SORCS2: variants seen among roughly 807,000 people sequenced by gnomAD.
SORCS2 encodes the protein VPS10 domain-containing receptor SorCS2.
SORCS2 carries 100 observed loss-of-function variants against 141.6 expected under a neutral mutation model. The ratio of observed to expected loss-of-function variants is 0.71; its 90% confidence interval spans 0.60 to 0.83. The LOEUF is 0.83. SORCS2 is among the 40% of genes least tolerant of loss of function. SORCS2 has a pLI of 0.00. For missense variants in SORCS2, 1,646 were observed against 1,560.2 expected, an observed-to-expected ratio of 1.05 and a Z score of -0.93; for synonymous variants, 789 against 676.9, an observed-to-expected ratio of 1.17 and a Z score of -2.57.
chr4:7,514,295 C>T (rs73099740), intron 2 of SORCS2, among the ~76,000 whole-genome samples: 62 of 152,246 alleles, frequency 4.1e-4, no homozygotes, highest in African/African-American at 1.5e-3. Context: ...GGGCCTGGCT[C>T]ACACCTAATA....
In SORCS2 at chr4:7,715,207, C is replaced by G; in HGVS notation, c.2148C>G (p.Ser716=). ...FLCDYGFERS[S]SSESSTNKCS... The stretch of plus-strand genomic sequence containing the variant: ...GCGACTACGGATTTGAGCGCTCCTC[C>G]TCCTCAGAGTCCAGCACCAACAAGT... Residue 716 remains serine (S), a synonymous_variant, in exon 17 of 27, where the codon TCC becomes TCG. Coordinates refer to ENST00000507866, the MANE Select transcript of SORCS2 (RefSeq NM_020777.3). 1.9e-6 allele frequency: 3 copies of G among 1,613,938 alleles called. No homozygotes were observed. The highest frequency in any genetic ancestry group is 1.7e-6 in the Non-Finnish European group (2 of 1,179,786).
chr4:7,651,396 G>A (rs186643487), intron 4 of SORCS2, among the ~76,000 whole-genome samples: 195 of 152,278 alleles, frequency 1.3e-3, no homozygotes, highest in African/African-American at 4.4e-3. Flanking sequence ...CAGGCTTCCT[G>A]GCATTGCTGT....
chr4:7,294,814 T>C (rs1184790555), intron 1 of SORCS2, among the ~76,000 whole-genome samples: 1 of 7,360 alleles, frequency 1.4e-4, no homozygotes, highest in Admixed American at 1.2e-3. Flanking sequence ...CTCCCTCCTC[T>C]CCCTCCTCCC....
intron 3 of SORCS2, among the ~76,000 whole-genome samples, chr4:7,620,041 CTCCTCCTCCTTCCTCT>C (rs1383694842): frequency 3.6e-4 from 6 of 16,468 alleles, no homozygotes; most frequent in African/African-American, 6.7e-4. Context: ...CTCCTTCCTC[CTCCTCCTCCTTCCTCT>C]TCCTCCTCTT....
intron 3 of SORCS2, among the ~76,000 whole-genome samples, chr4:7,592,032 G>A (rs1290468213): frequency 6.6e-6 from 1 of 152,166 alleles, no homozygotes. Flanking sequence ...AGAGCAGCTA[G>A]GAAAGCGCCG....
At chr4:7,511,976 G>A (rs953786348) in intron 2 of SORCS2, among the ~76,000 whole-genome samples, 3 of 152,212 alleles carry the variant, frequency 2.0e-5, no homozygotes, top group South Asian at 2.1e-4. Flanking sequence ...TGGGAGACAC[G>A]GTGCCCTCCC....
chr4:7,243,806 C>A (rs921816583), intron 1 of SORCS2, among the ~76,000 whole-genome samples: 2 of 152,222 alleles, frequency 1.3e-5, no homozygotes, highest in Non-Finnish European at 2.9e-5. Flanking sequence ...AGCTTCCCTG[C>A]GAGGGCAGGC....
chr4:7,383,163 A>G (rs1047522033), intron 1 of SORCS2, among the ~76,000 whole-genome samples: 1 of 152,030 alleles, frequency 6.6e-6, no homozygotes, highest in Non-Finnish European at 1.5e-5. Flanking sequence ...CTTTCTTGAG[A>G]AGATAATTTG....
At chr4:7,267,372 G>T (rs1165982034) in intron 1 of SORCS2, among the ~76,000 whole-genome samples, 1 of 152,208 alleles carries the variant, frequency 6.6e-6, no homozygotes, top group Non-Finnish European at 1.5e-5. Context: ...GTAGAGTAAG[G>T]ACTTGCCGCA....
At chr4:7,302,542 A>G (rs1717500798) in intron 1 of SORCS2, among the ~76,000 whole-genome samples, 1 of 152,070 alleles carries the variant, frequency 6.6e-6, no homozygotes, top group Non-Finnish European at 1.5e-5. Flanking sequence ...CTCCCTGACC[A>G]CCTTATTTAA....
intron 1 of SORCS2, among the ~76,000 whole-genome samples, chr4:7,308,815 T>A (rs1718004451): frequency 6.6e-6 from 1 of 152,130 alleles, no homozygotes; most frequent in South Asian, 2.1e-4. Context: ...TCCAGCACCC[T>A]GTCTGTCCTC....
chr4:7,418,702 A>ACCCC lies in SORCS2; in HGVS notation c.548+22355_548+22358dup, dbSNP rs67571622. Among the ~76,000 whole-genome samples, 75 of 95,616 alleles carry ACCCC rather than the reference A, an allele frequency of 7.8e-4. 1 individual carries two copies. The highest frequency in any genetic ancestry group is 2.2e-3 in the East Asian group (7 of 3,140). 62.7% of individuals were successfully genotyped at this position (95,616 alleles called of 152,430 possible). ...GTTAGCTTTTGCTGCGTAACAAATG[A>ACCCC]CCCCCCCCCCCACCAGATTTGTAGA... On this transcript the variant is annotated intron_variant, in intron 2 of 26. Coordinates refer to ENST00000507866, the MANE Select transcript of SORCS2 (RefSeq NM_020777.3).
chr4:7,567,585 C>A (rs140060211), intron 3 of SORCS2, among the ~76,000 whole-genome samples: 1 of 152,174 alleles, frequency 6.6e-6, no homozygotes, highest in Non-Finnish European at 1.5e-5. Context: ...ACAGGACTTA[C>A]CACTGTTGAC....
chr4:7,530,273 C>T (rs1454379633), intron 2 of SORCS2, among the ~76,000 whole-genome samples: 3 of 152,216 alleles, frequency 2.0e-5, no homozygotes, highest in South Asian at 2.1e-4. Flanking sequence ...AAGCACTGGC[C>T]CCACAGTCAG....
intron 2 of SORCS2, among the ~76,000 whole-genome samples, chr4:7,442,745 C>T (rs980293949): frequency 6.6e-5 from 10 of 151,312 alleles, no homozygotes; most frequent in East Asian, 4.0e-4. Flanking sequence ...AGCCCCAGCA[C>T]GTGGGCTTTC....
Position 7,663,699 on chromosome 4 carries a change from G to A in SORCS2, c.953-654G>A, listed in dbSNP as rs1422583513. 6.6e-6 allele frequency among the ~76,000 whole-genome samples: 1 copy of A among 152,134 alleles called. No individual in the cohort carries two copies. Among genetic ancestry groups the A allele is most frequent in the Non-Finnish European group, 1.5e-5 (1 of 68,046 alleles). On this transcript the variant is annotated intron_variant, in intron 6 of 26. Coordinates refer to ENST00000507866, the MANE Select transcript of SORCS2 (RefSeq NM_020777.3). This position sits in a 1 kb window ranked among gnomAD's most constrained non-coding sequence, Gnocchi z 4.8. ...TTCTCCATGCTGCCGGGTCACCCAA[G>A]GCTGGGGGCAGGAGGAGGAGGAAAA...
At chr4:7,731,209 G>A (rs1224437378) in intron 23 of SORCS2, among the ~76,000 whole-genome samples, 3 of 152,202 alleles carry the variant, frequency 2.0e-5, no homozygotes, top group Non-Finnish European at 2.9e-5. Flanking sequence ...GAAAAAAATT[G>A]AACCAAGGAG....
At chr4:7,308,735 C>CTCTCTCCAGCACCCTGTCA (rs1717996932) in intron 1 of SORCS2, among the ~76,000 whole-genome samples, 3 of 151,166 alleles carry the variant, frequency 2.0e-5, no homozygotes, top group South Asian at 4.2e-4. Flanking sequence ...GCACCCTGTC[C>CTCTCTCCAGCACCCTGTCA]TCTCTCTCCA....
intron 2 of SORCS2, among the ~76,000 whole-genome samples, chr4:7,506,467 C>CAT (rs1359956148): frequency 1.3e-5 from 2 of 152,182 alleles, no homozygotes; most frequent in African/African-American, 2.4e-5. Context: ...TCCATCCATT[C>CAT]ATCCACCCAT....
Sources: gnomAD v4.1 joint callset for allele counts (sites outside exome capture counted in the v4.1 genomes callset) on GRCh38, gnomAD v4.1.1 for gene constraint, Gnocchi (gnomAD v3.1) non-coding constraint, MANE v1.5 for transcripts, NCBI Gene and HGNC (gene_info 2026-07-23, HGNC 2026-07-21) for gene names.